Variants in AFAP1L2 observed in about 807,000 individuals in gnomAD.
AFAP1L2 encodes the protein actin filament associated protein 1 like 2.
In AFAP1L2, 46 loss-of-function variants were observed where a neutral mutation model predicts 99.3. The ratio of observed to expected loss-of-function variants is 0.46; its 90% CI spans 0.37 to 0.59. The LOEUF (loss-of-function observed/expected upper bound fraction) is 0.59, where lower values mean the gene tolerates loss of function less well. AFAP1L2 is among the 20% of genes least tolerant of loss of function. The pLI is 0.00. For missense variants in AFAP1L2, 959 were observed against 1,034.9 expected, an observed-to-expected ratio of 0.93 and a Z score of 1.01; for synonymous variants, 397 against 419.1, an observed-to-expected ratio of 0.95 and a Z score of 0.64.
chr10:114,330,596 G>T (rs1186438487), intron 4 of AFAP1L2, among the ~76,000 whole-genome samples: 1 of 152,182 alleles, frequency 6.6e-6, no homozygotes, highest in Non-Finnish European at 1.5e-5. Flanking sequence ...CCCATCTGAC[G>T]AGACAGATGT....
At chr10:114,390,684 G>C (rs2057028690) in intron 1 of AFAP1L2, among the ~76,000 whole-genome samples, 2 of 139,706 alleles carry the variant, frequency 1.4e-5, no homozygotes, top group Admixed American at 1.5e-4. Flanking sequence ...TCACGCCACT[G>C]TACTCCAGCC....
intron 5 of AFAP1L2, among the ~76,000 whole-genome samples, chr10:114,321,054 A>T (rs978840255): frequency 3.3e-5 from 5 of 152,204 alleles, no homozygotes; most frequent in Non-Finnish European, 7.3e-5. Context: ...GTGGCAGGTA[A>T]GTGTGAAGGA....
the AFAP1L2 span, chr10:114,286,630 C>T: frequency 1.2e-6 from 1 of 843,606 alleles, no homozygotes; most frequent in Non-Finnish European, 1.8e-6. Context: ...AACCACAGCC[C>T]CACTCTTTCA....
intron 1 of AFAP1L2, among the ~76,000 whole-genome samples, chr10:114,385,546 G>A (rs558677203): frequency 2.0e-5 from 3 of 152,292 alleles, no homozygotes; most frequent in Admixed American, 6.5e-5. Flanking sequence ...CAGGTTGGCC[G>A]TGGGCTTTTG....
chr10:114,396,110 C>T (rs1205171642), intron 1 of AFAP1L2, among the ~76,000 whole-genome samples: 1 of 152,108 alleles, frequency 6.6e-6, no homozygotes. Flanking sequence ...TAAAAAGTTG[C>T]ATGTGGGAAA....
chr10:114,311,123 G>C (rs2043177883), intron 7 of AFAP1L2, among the ~76,000 whole-genome samples: 1 of 152,186 alleles, frequency 6.6e-6, no homozygotes, highest in African/African-American at 2.4e-5. Context: ...GTCTCAGGAA[G>C]AGGGCGTGAG....
chr10:114,309,262 C>CTTG (rs2042860415), intron 8 of AFAP1L2, among the ~76,000 whole-genome samples: 2 of 152,232 alleles, frequency 1.3e-5, no homozygotes, highest in Non-Finnish European at 2.9e-5. Flanking sequence ...TTCTTTCCAA[C>CTTG]TTTTGTTTTC....
At chr10:114,281,098 C>T in the AFAP1L2 span, 4 of 152,176 alleles carry the variant, frequency 2.6e-5, no homozygotes, top group African/African-American at 7.2e-5. Context: ...CTCCATTTTA[C>T]CCCAGGGAAG....
At chr10:114,399,483 C>G (rs1459213528) in intron 1 of AFAP1L2, among the ~76,000 whole-genome samples, 1 of 152,140 alleles carries the variant, frequency 6.6e-6, no homozygotes, top group African/African-American at 2.4e-5. Flanking sequence ...TAAATAAATC[C>G]TTGAAAAGGA....
intron 2 of AFAP1L2, among the ~76,000 whole-genome samples, chr10:114,334,410 T>C (rs1300042647): frequency 6.6e-6 from 1 of 152,222 alleles, no homozygotes; most frequent in Non-Finnish European, 1.5e-5. Flanking sequence ...TAAATTCCAG[T>C]GGTTAGAGAC....
intron 10 of AFAP1L2, chr10:114,305,276 C>T (rs1330515239): frequency 5.1e-6 from 1 of 195,562 alleles, no homozygotes; most frequent in African/African-American, 3.4e-5. Context: ...GGAGGGCACG[C>T]GGATGCAGGA....
chr10:114,305,209 G>A (rs1589979390), intron 10 of AFAP1L2: 2 of 393,450 alleles, frequency 5.1e-6, no homozygotes, highest in East Asian at 5.1e-5. Flanking sequence ...GGGCGGGGCT[G>A]CGGGAGGGCA....
chr10:114,296,597 G>A (rs1336475266), intron 18 of AFAP1L2: 1 of 241,462 alleles, frequency 4.1e-6, no homozygotes, highest in Non-Finnish European at 8.2e-6. Flanking sequence ...CCACCTATGT[G>A]AGTCTGTTTC....
chr10:114,324,967 G>A (rs1458075338), intron 4 of AFAP1L2, among the ~76,000 whole-genome samples: 1 of 152,232 alleles, frequency 6.6e-6, no homozygotes, highest in East Asian at 1.9e-4. Context: ...CTGTGGGACA[G>A]TCCTCAGCCT....
At chr10:114,384,404 C>A (rs77551098) in intron 1 of AFAP1L2, among the ~76,000 whole-genome samples, 3 of 152,070 alleles carry the variant, frequency 2.0e-5, no homozygotes, top group African/African-American at 4.8e-5. Flanking sequence ...TTGTTCCCCC[C>A]ACACTTGTCC....
chr10:114,358,575 A>G (rs559025840), intron 1 of AFAP1L2, among the ~76,000 whole-genome samples: 2 of 152,126 alleles, frequency 1.3e-5, no homozygotes, highest in Non-Finnish European at 2.9e-5. Flanking sequence ...ACAAATAACA[A>G]TAACAATAAT....
intron 1 of AFAP1L2, chr10:114,363,027 C>T: frequency 1.0e-6 from 1 of 985,388 alleles, no homozygotes; most frequent in Non-Finnish European, 1.2e-6. Flanking sequence ...ATGGAGCCCA[C>T]CAGAGAGGAC....
At chr10:114,296,237 C>T in intron 18 of AFAP1L2, 169 bp from the exon 19 acceptor site, 2 of 890,234 alleles carry the variant, frequency 2.2e-6, no homozygotes, top group Non-Finnish European at 1.8e-6. Flanking sequence ...AGTGCCTATT[C>T]AGAGATTTTG....
chr10:114,393,235 A>G (rs2057339620), intron 1 of AFAP1L2, among the ~76,000 whole-genome samples: 1 of 152,156 alleles, frequency 6.6e-6, no homozygotes, highest in Non-Finnish European at 1.5e-5. Flanking sequence ...CAAAGCCACC[A>G]ACACTCTCCT....
Sources: allele counts gnomAD v4.1 joint callset (sites outside exome capture counted in the v4.1 genomes callset), GRCh38; gene constraint gnomAD v4.1.1; transcripts MANE v1.5; gene names NCBI Gene and HGNC (gene_info 2026-07-23, HGNC 2026-07-21).